Variants in C1D observed in about 807,000 individuals in gnomAD.
C1D encodes the protein nuclear nucleic acid-binding protein C1D.
In C1D, 10 loss-of-function variants were observed where a neutral mutation model predicts 17.5. That is an observed-to-expected ratio of 0.57 (90% CI 0.35 to 0.97). The LOEUF (loss-of-function observed/expected upper bound fraction) is 0.97, where lower values mean the gene tolerates loss of function less well. C1D is among the 50% of genes least tolerant of loss of function. The pLI, the probability that C1D is intolerant of heterozygous loss-of-function variation, is 0.01. For missense variants in C1D, 136 were observed against 160.1 expected (o/e 0.85, Z 0.81); for synonymous variants, 49 against 54.0 (o/e 0.91, Z 0.40).
rs754531817 is a variant in C1D at position 68,042,917 on chromosome 2, A to G, written c.398T>C (p.Val133Ala). ...WEPKSKNASK[V>A]ANKGKSKS is the part of the protein sequence containing the mutation. ...ACTTTTACTTTTTCCTTTATTGGCA[A>G]CTTTTGATGCATTTTTCGATTTTGG... The change falls in exon 5 of 5, where the codon GTT (valine) becomes GCT (alanine). Residue 133 changes from valine to alanine, a missense_variant. Coordinates refer to ENST00000410067, the MANE Select transcript of C1D (RefSeq NM_173177.3). 1.3e-6 allele frequency: 2 copies of G among 1,564,996 alleles called. No individual in the cohort carries two copies. The highest frequency in any genetic ancestry group is 1.7e-6 in the Non-Finnish European group (2 of 1,154,856).
chr2:68,053,105 T>C (rs1671336072), intron 1 of C1D: 3 of 1,550,770 alleles, frequency 1.9e-6, no homozygotes, highest in South Asian at 2.4e-5. Context: ...TAGGTACTCC[T>C]TGCCCTTCCA....
intron 1 of C1D, among the ~76,000 whole-genome samples, chr2:68,054,827 G>A (rs372662235): frequency 3.2e-4 from 49 of 151,952 alleles, no homozygotes; most frequent in African/African-American, 9.7e-4. Flanking sequence ...TTAGCTGGGC[G>A]TGATGGCATA....
At chr2:68,048,087 T>C (rs1187520762) in intron 1 of C1D, among the ~76,000 whole-genome samples, 1 of 152,102 alleles carries the variant, frequency 6.6e-6, no homozygotes, top group South Asian at 2.1e-4. Flanking sequence ...AAAGAGTCTA[T>C]AAATCATATA....
At chr2:68,058,899 G>C (rs1671537723) in intron 1 of C1D, among the ~76,000 whole-genome samples, 1 of 152,152 alleles carries the variant, frequency 6.6e-6, no homozygotes, top group African/African-American at 2.4e-5. Flanking sequence ...ACTGACAAAA[G>C]CATCTTTAAA....
In C1D at chr2:68,042,052, A is replaced by T. The variant is rs1670970058; in HGVS notation, c.*837T>A. 6.6e-6 allele frequency: 1 copy of T among 152,074 alleles called. No homozygotes were observed. Among genetic ancestry groups the T allele is most frequent in the African/African-American group, 2.4e-5 (1 of 41,448 alleles). 9.4% of individuals were successfully genotyped at this position (152,074 alleles called of 1,614,324 possible). ...TACAGCCTCAAAAACATGAAATAAA[A>T]AAAATCTGAAAAAAAATGAGATGAA... On this transcript the variant is annotated 3_prime_UTR_variant, in exon 5 of 5. Transcript: ENST00000410067.
chr2:68,055,607 G>C (rs934410214), intron 1 of C1D, among the ~76,000 whole-genome samples: 1 of 152,146 alleles, frequency 6.6e-6, no homozygotes, highest in Non-Finnish European at 1.5e-5. Context: ...AGTTCTGTGA[G>C]AAAGAAATCT....
At position 68,045,961 on chromosome 2, in the gene C1D, T is replaced by C. The variant is rs145026653; in HGVS notation, c.261+27A>G. On this transcript the variant is annotated intron_variant, in intron 4 of 4. Transcript: ENST00000410067. ...CCTCAGGAATACAACAACAAACACA[T>C]AAAATAAAAAGAAATTAAAATCTTA... 2,960 of 1,485,864 alleles carry C rather than the reference T, an allele frequency of 2.0e-3. 35 individuals are homozygous for C. The highest frequency in any genetic ancestry group is 5.1e-3 in the East Asian group (215 of 42,532). 92.0% of individuals were successfully genotyped at this position (1,485,864 alleles called of 1,614,324 possible). A position where few individuals can be genotyped will look rare whatever the true frequency, so the allele number is the denominator to read the frequency against.
At chr2:68,055,634 C>T (rs187858154) in intron 1 of C1D, among the ~76,000 whole-genome samples, 63 of 152,270 alleles carry the variant, frequency 4.1e-4, no homozygotes, top group African/African-American at 1.4e-3. Context: ...GGACAAAGTA[C>T]TAGATGACAC....
intron 1 of C1D, among the ~76,000 whole-genome samples, chr2:68,061,230 T>A (rs1671620581): frequency 6.6e-6 from 1 of 152,200 alleles, no homozygotes; most frequent in African/African-American, 2.4e-5. Flanking sequence ...AAAATAACAA[T>A]GAAATGTACA....
intron 1 of C1D, among the ~76,000 whole-genome samples, chr2:68,061,104 C>G (rs1307455959): frequency 6.6e-6 from 1 of 152,178 alleles, no homozygotes; most frequent in Non-Finnish European, 1.5e-5. Context: ...AGCCAAAGAA[C>G]AAATCCAACA....
intron 4 of C1D, among the ~76,000 whole-genome samples, chr2:68,045,377 T>G (rs768613074): frequency 6.6e-6 from 1 of 151,990 alleles, no homozygotes; most frequent in Non-Finnish European, 1.5e-5. Flanking sequence ...ATTGAATGAT[T>G]TGATTTAATT....
At chr2:68,047,099 T>A in intron 2 of C1D, 74 bp downstream of exon 2, 1 of 1,376,976 alleles carries the variant, frequency 7.3e-7, no homozygotes, top group Middle Eastern at 2.6e-4. Context: ...AATCTGTTTC[T>A]TCTTCCACAT....
At chr2:68,061,914 AC>A (rs1420211071) in intron 1 of C1D, among the ~76,000 whole-genome samples, 7 of 152,302 alleles carry the variant, frequency 4.6e-5, no homozygotes, top group Admixed American at 4.6e-4. Context: ...ATTTTGAAAA[AC>A]CGTTATTCAC....
chr2:68,047,958 A>G (rs193298635), intron 1 of C1D, among the ~76,000 whole-genome samples: 63 of 152,206 alleles, frequency 4.1e-4, no homozygotes, highest in African/African-American at 1.4e-3. Flanking sequence ...CTAGGAGCAT[A>G]TTATATTCAA....
intron 1 of C1D, among the ~76,000 whole-genome samples, chr2:68,058,224 C>T (rs191375956): frequency 1.3e-3 from 192 of 152,324 alleles, no homozygotes; most frequent in African/African-American, 4.3e-3. Flanking sequence ...AATTAGCCTC[C>T]ATGATAGGCA....
intron 1 of C1D, among the ~76,000 whole-genome samples, chr2:68,058,929 G>C (rs925012303): frequency 2.0e-5 from 3 of 152,176 alleles, no homozygotes; most frequent in Non-Finnish European, 4.4e-5. Context: ...TGGGAGATGT[G>C]ACCATGAAGG....
chr2:68,053,623 T>C (rs1200877742), intron 1 of C1D, among the ~76,000 whole-genome samples: 1 of 152,218 alleles, frequency 6.6e-6, no homozygotes, highest in African/African-American at 2.4e-5. Flanking sequence ...TGTTTAAAAT[T>C]CTGCAACAGT....
intron 1 of C1D, among the ~76,000 whole-genome samples, chr2:68,049,173 G>T (rs894755279): frequency 6.6e-6 from 1 of 151,166 alleles, no homozygotes; most frequent in African/African-American, 2.4e-5. Context: ...CTTCAGCCTG[G>T]GCAACAGAGT....
At chr2:68,056,457 A>T (rs905522329) in intron 1 of C1D, among the ~76,000 whole-genome samples, 1 of 152,190 alleles carries the variant, frequency 6.6e-6, no homozygotes, top group Non-Finnish European at 1.5e-5. Context: ...CTGGCCCTTA[A>T]AAATGCAGGC....
Sources: gnomAD v4.1 joint callset for allele counts (sites outside exome capture counted in the v4.1 genomes callset) on GRCh38, gnomAD v4.1.1 for gene constraint, MANE v1.5 for transcripts, NCBI Gene and HGNC (gene_info 2026-07-23, HGNC 2026-07-21) for gene names.